TTN: variants seen among roughly 807,000 people sequenced by gnomAD.
TTN encodes connectin.
In TTN, 1,525 loss-of-function variants were observed where a neutral mutation model predicts 3,223.0. The ratio of observed to expected loss-of-function variants is 0.47; its 90% CI spans 0.45 to 0.49. The LOEUF (loss-of-function observed/expected upper bound fraction) is 0.49. TTN is among the 20% of genes least tolerant of loss of function. The pLI, the probability that TTN is intolerant of heterozygous loss-of-function variation, is 0.00. For missense variants in TTN, 40,786 were observed against 43,424.0 expected (o/e 0.94, Z 5.40); for synonymous variants, 14,094 against 15,161.0 (o/e 0.93, Z 5.17).
chr2:178,756,698 A>C lies in TTN; in HGVS notation c.10778T>G (p.Ile3593Arg), dbSNP rs764613793. The change falls in exon 46 of 363, where the codon ATA becomes AGA. Residue 3593 changes from isoleucine to arginine, a missense_variant. Transcript: ENST00000589042. ...DSSFTKEESK[I>R]SQKEIKSFQG... ...AAATGACTTAATTTCCTTTTGAGAT[A>C]TTTTGCTCTCCTCCTTTGTGAAAGA... 1 of 1,613,752 alleles carries C rather than the reference A, an allele frequency of 6.2e-7. No homozygotes were observed. The highest frequency in any genetic ancestry group is 8.5e-7 in the Non-Finnish European group (1 of 1,179,796).
rs886042744 is a variant in TTN at position 178,777,946 on chromosome 2, G to C, written c.4238C>G (p.Ser1413Cys). Residue 1413 changes from serine to cysteine, a missense_variant, in exon 25 of 363, where the codon TCT becomes TGT. Ser to Cys is a moderately radical substitution (Grantham distance 112). Transcript: ENST00000589042. ...CCGTGCAGGAGACATGCGTATAGGA[G>C]ACCTGCTCACTGAACGTGGAGAGAG... Reference protein sequence around the residue: ...RSLSPRSVSRSPIRMSPARMS... With the variant: ...RSLSPRSVSRCPIRMSPARMS... 7 of 1,613,796 alleles carry C rather than the reference G, an allele frequency of 4.3e-6. No homozygotes were observed. The highest frequency in any genetic ancestry group is 3.4e-6 in the Non-Finnish European group (4 of 1,179,920).
rs2092364431 is a variant in TTN at position 178,777,594 on chromosome 2, T to C, written c.4481-10A>G. 6.2e-7 allele frequency: 1 copy of C among 1,613,678 alleles called. No homozygotes were observed. Among genetic ancestry groups the C allele is most frequent in the African/African-American group, 1.3e-5 (1 of 74,912 alleles). ...TTGACAATTTGCTGGCCTGTGAAAA[T>C]ATGTTTAAAAGAAAGTAGATTTTAA... On this transcript the variant is annotated splice_polypyrimidine_tract_variant and intron_variant, in intron 25 of 362. Coordinates refer to ENST00000589042, the MANE Select transcript of TTN (RefSeq NM_001267550.2).
intron 165 of TTN, 88 bp from the exon 166 acceptor site, chr2:178,665,014 TTTC>T: frequency 7.1e-7 from 1 of 1,403,830 alleles, no homozygotes; most frequent in Non-Finnish European, 9.7e-7. Flanking sequence ...ATAACCACAT[TTTC>T]TTCTCTTTCC....
intron 17 of TTN, 102 bp downstream of exon 17, chr2:178,783,618 G>A (rs2092957057): frequency 9.3e-7 from 1 of 1,072,094 alleles, no homozygotes; most frequent in Admixed American, 1.8e-5. Context: ...GCTCACTAAT[G>A]TCATTTTTGT....
At chr2:178,694,993 T>A in intron 115 of TTN, 87 bp from the exon 116 acceptor site, 1 of 922,110 alleles carries the variant, frequency 1.1e-6, no homozygotes, top group African/African-American at 1.7e-5. Context: ...TGTGTATATG[T>A]GTTTATACAC....
Position 178,542,528 on chromosome 2 carries a change from CAATCTT to C in TTN, c.97222_97227del (p.Lys32408_Ile32409del). The C allele has an allele frequency of 6.2e-7, 1 of 1,610,286 alleles. No individual in the cohort carries two copies. Among genetic ancestry groups the C allele is most frequent in the Non-Finnish European group, 8.5e-7 (1 of 1,176,992 alleles). ...GTAATTGATGTAGCATCAATTTCATCAATCTTAATAGGTCCTGTTGGTGGACCAGGC... is the reference window on the plus strand; with the variant it reads ...GTAATTGATGTAGCATCAATTTCATCAATAGGTCCTGTTGGTGGACCAGGC... On this transcript the variant is annotated inframe_deletion, in exon 349 of 363. Coordinates refer to ENST00000589042, the MANE Select transcript of TTN (RefSeq NM_001267550.2).
At chr2:178,758,819 TA>T in intron 44 of TTN, 164 bp downstream of exon 44, 1 of 723,086 alleles carries the variant, frequency 1.4e-6, no homozygotes, top group Non-Finnish European at 2.4e-6. Context: ...TGAAAAGTGG[TA>T]AAGGAGAGGC....
In TTN at chr2:178,732,312, G is replaced by A. The variant is rs1560810766; in HGVS notation, c.16657C>T (p.Gln5553Ter). The A allele has an allele frequency of 6.2e-7, 1 of 1,610,574 alleles. No individual in the cohort carries two copies. Among genetic ancestry groups the A allele is most frequent in the East Asian group, 2.2e-5 (1 of 44,860 alleles). ...ATFVEKLEPS[Q>*]LLKKGDATQL... ...GTGGCATCTCCCTTCTTTAACAGCT[G>A]TGATGGCTCTAACTTTTCAACAAAT... The change falls in exon 57 of 363, where the codon CAG becomes TAG. Residue 5553 changes from glutamine to a stop codon, truncating the protein, a stop_gained. Transcript: ENST00000589042. LOFTEE classifies it high-confidence loss of function.
Position 178,565,745 on chromosome 2 carries a change from C to T in TTN, c.80387G>A (p.Ser26796Asn). The T allele has an allele frequency of 6.2e-7, 1 of 1,613,582 alleles. No individual in the cohort carries two copies. The highest frequency in any genetic ancestry group is 8.5e-7 in the Non-Finnish European group (1 of 1,179,620). Residue 26796 changes from serine to asparagine, a missense_variant, in exon 326 of 363, where the codon AGT becomes AAT. By Grantham distance (46) the Ser-to-Asn change is conservative. Transcript: ENST00000589042. ...KVTLTDVSQTSASLMWEKPEH... is the reference protein window; with the variant it reads ...KVTLTDVSQTNASLMWEKPEH... Reference sequence around the variant, plus strand: ...AGGTTTCTCCCACATAAGTGATGCACTGGTCTGGGACACATCAGTGAGTGT... The same window carrying T: ...AGGTTTCTCCCACATAAGTGATGCATTGGTCTGGGACACATCAGTGAGTGT...
chr2:178,631,971 A>G (rs1212231527), intron 236 of TTN, among the ~76,000 whole-genome samples, 176 bp downstream of exon 236: 1 of 152,094 alleles, frequency 6.6e-6, no homozygotes, highest in African/African-American at 2.4e-5. Context: ...TCATTAACTT[A>G]TAGTAATGAA....
rs1234706508 is a variant in TTN at position 178,590,148 on chromosome 2, A to G, written c.61577T>C (p.Ile20526Thr). Residue 20526 changes from isoleucine to threonine, a missense_variant, in exon 304 of 363, where the codon ATT (isoleucine) becomes ACT (threonine). Transcript: ENST00000589042. The stretch of plus-strand genomic sequence containing the variant: ...TAACTCAACACGAGGTAGATCCTGA[A>G]TAAGGTCCACCCTCTTTTCTCGGAC... Reference protein sequence around the residue: ...VLVREKRVDLIQDLPRVELQI... With the variant: ...VLVREKRVDLTQDLPRVELQI... 1 of 1,613,232 alleles carries G rather than the reference A, an allele frequency of 6.2e-7. No homozygotes were observed. Among genetic ancestry groups the G allele is most frequent in the Non-Finnish European group, 8.5e-7 (1 of 1,179,472 alleles).
Position 178,704,403 on chromosome 2 carries a change from A to G in TTN, c.29967T>C (p.Pro9989=). ...CATCCTGAAGATGCCGTTCCCATGC[A>G]GGCTCTGTTCATGTGATACAACACG... ...IASAKLTVIE[P]AWERHLQDVT... Residue 9989 remains proline (P), a synonymous_variant, in exon 106 of 363, where the codon CCT becomes CCC. Transcript: ENST00000589042. 1 of 1,613,040 alleles carries G rather than the reference A, an allele frequency of 6.2e-7. No homozygotes were observed.
In TTN at chr2:178,533,631, G is replaced by C. The variant is rs541125667; in HGVS notation, c.102984C>G (p.Asp34328Glu). ...TCCTTGCCACAACAGTATATTCAGC[G>C]TCATCATCTGTAGTGACACTGTTGA... Reference protein sequence around the residue: ...LTINSVTTDDDAEYTVVARNK... With the variant: ...LTINSVTTDDEAEYTVVARNK... The change falls in exon 358 of 363, where the codon GAC (aspartate) becomes GAG (glutamate). Residue 34328 changes from aspartate to glutamate, a missense_variant. Transcript: ENST00000589042. 3 of 1,613,924 alleles carry C rather than the reference G, an allele frequency of 1.9e-6. No individual in the cohort carries two copies. Among genetic ancestry groups the C allele is most frequent in the Non-Finnish European group, 2.5e-6 (3 of 1,179,870 alleles).
chr2:178,643,148 C>T (rs183479841), intron 218 of TTN, among the ~76,000 whole-genome samples: 38 of 151,806 alleles, frequency 2.5e-4, no homozygotes, highest in Non-Finnish European at 4.6e-4. Context: ...CAATTAAAAT[C>T]TAATTTAAAA....
rs775082989 is a variant in TTN at position 178,706,965 on chromosome 2, A to G, written c.29042-11T>C. On this transcript the variant is annotated splice_polypyrimidine_tract_variant and intron_variant, in intron 100 of 362. Coordinates refer to ENST00000589042, the MANE Select transcript of TTN (RefSeq NM_001267550.2). ...CCACAGCTGGTTTGTCTGAAAAAAC[A>G]TTTACATGTTTTGTTACTACAATCA... 7 of 1,596,108 alleles carry G rather than the reference A, an allele frequency of 4.4e-6. No homozygotes were observed. The highest frequency in any genetic ancestry group is 1.3e-5 in the African/African-American group (1 of 74,508).
At position 178,563,651 on chromosome 2, in the gene TTN, A is replaced by G. The variant is rs563168332; in HGVS notation, c.82481T>C (p.Val27494Ala). ...CTCAATTTCGGTACCTCCGTCGTCTACTGGGCGTGCCCATGTTACTACCAT... is the reference window on the plus strand; with the variant it reads ...CTCAATTTCGGTACCTCCGTCGTCTGCTGGGCGTGCCCATGTTACTACCAT... ...DSMVVTWARP[V>A]DDGGTEIEGY... Residue 27494 changes from valine (V) to alanine (A), a missense_variant, in exon 326 of 363, where the codon GTA becomes GCA. Physicochemically the swap from Val to Ala is moderately conservative, Grantham distance 64. Transcript: ENST00000589042. This position sits in a 1 kb window ranked among gnomAD's most constrained non-coding sequence, Gnocchi z 4.5. The G allele has an allele frequency of 6.2e-7, 1 of 1,613,776 alleles. No homozygotes were observed. The highest frequency in any genetic ancestry group is 1.3e-5 in the African/African-American group (1 of 75,018).
chr2:178,543,304 C>G lies in TTN; in HGVS notation c.96669G>C (p.Trp32223Cys). ...DVTKSTVTLAWEKPLYDGGSR... is the reference protein window; with the variant it reads ...DVTKSTVTLACEKPLYDGGSR... ...TACCACCATCGTAGAGTGGTTTTTCCCAGGCAAGGGTAACAGTGGATTTGG... is the reference window on the plus strand; with the variant it reads ...TACCACCATCGTAGAGTGGTTTTTCGCAGGCAAGGGTAACAGTGGATTTGG... The change falls in exon 347 of 363, where the codon TGG becomes TGC. Residue 32223 changes from tryptophan to cysteine, a missense_variant. Trp to Cys is a radical substitution (Grantham distance 215). Transcript: ENST00000589042. 1 of 1,613,764 alleles carries G rather than the reference C, an allele frequency of 6.2e-7. No homozygotes were observed. Among genetic ancestry groups the G allele is most frequent in the Non-Finnish European group, 8.5e-7 (1 of 1,179,788 alleles).
In TTN at chr2:178,719,809, G is replaced by T; in HGVS notation, c.23683C>A (p.Pro7895Thr). ...CCAGTAGTGACAGTCATGGGTTCGG[G>T]CTTCTCTATGATTCTTGCTGGTTCT... The part of the protein sequence containing the change: ...VLEPARIIEK[P>T]EPMTVTTGNP... Residue 7895 changes from proline (P) to threonine (T), a missense_variant, in exon 82 of 363, where the codon CCC becomes ACC. Transcript: ENST00000589042. The T allele has an allele frequency of 9.3e-6, 15 of 1,611,218 alleles. No individual in the cohort carries two copies. Among genetic ancestry groups the T allele is most frequent in the Non-Finnish European group, 1.3e-5 (15 of 1,178,078 alleles).
In TTN at chr2:178,592,923, G is replaced by A. The variant is rs1474352700; in HGVS notation, c.59196C>T (p.His19732=). Residue 19732 remains histidine (H), a synonymous_variant, in exon 300 of 363, where the codon CAC becomes CAT. Transcript: ENST00000589042. ...TAGTTTCAGGACATGACTCAGGGGT[G>A]TGATTGGCTCTTCTCCACTCTTCAT... ...VGDEEWRRAN[H]TPESCPETKY... is the part of the protein sequence containing the mutation. 7 of 1,613,380 alleles carry A rather than the reference G, an allele frequency of 4.3e-6. No homozygotes were observed. In the Admixed American group the frequency reaches 8.3e-5, roughly 19 times the overall value.
Sources: allele counts gnomAD v4.1 joint callset (sites outside exome capture counted in the v4.1 genomes callset), GRCh38; gene constraint gnomAD v4.1.1; non-coding constraint Gnocchi (gnomAD v3.1); transcripts MANE v1.5; gene names NCBI Gene and HGNC (gene_info 2026-07-23, HGNC 2026-07-21).